SCD5: variants seen among roughly 807,000 people sequenced by gnomAD.
SCD5 encodes stearoyl-CoA desaturase 5.
In SCD5, 20 loss-of-function variants were observed where a neutral mutation model predicts 30.4. That is an observed-to-expected ratio of 0.66 (90% CI 0.46 to 0.96). The LOEUF is 0.96. SCD5 is among the 40% of genes least tolerant of loss of function. The probability of loss-of-function intolerance (pLI) is 0.00; values close to 1 mark genes in which losing one functional copy is unlikely to be tolerated. For synonymous variants in SCD5, 173 were observed against 176.4 expected, an observed-to-expected ratio of 0.98 and a Z score of 0.16; for missense variants, 381 against 443.3, an observed-to-expected ratio of 0.86 and a Z score of 1.26.
chr4:82,726,286 T>C (rs1313446333), intron 1 of SCD5, among the ~76,000 whole-genome samples: 2 of 151,860 alleles, frequency 1.3e-5, no homozygotes, highest in Non-Finnish European at 2.9e-5. Context: ...GCGTGGTGGC[T>C]CGTGCCTGTA....
At chr4:82,698,816 C>T (rs1719752489) in intron 2 of SCD5, among the ~76,000 whole-genome samples, 1 of 152,178 alleles carries the variant, frequency 6.6e-6, no homozygotes, top group South Asian at 2.1e-4. Context: ...TAAAGATGCC[C>T]CATCTTGGGC....
chr4:82,704,857 T>C (rs1311416240), intron 2 of SCD5, among the ~76,000 whole-genome samples: 1 of 152,220 alleles, frequency 6.6e-6, no homozygotes. Flanking sequence ...GGCAGGTTCT[T>C]TAACCTCACT....
At chr4:82,737,523 C>T (rs905518442) in intron 1 of SCD5, among the ~76,000 whole-genome samples, 1 of 152,156 alleles carries the variant, frequency 6.6e-6, no homozygotes, top group Non-Finnish European at 1.5e-5. Flanking sequence ...TCCTGCTGCC[C>T]CATTTTCTGG....
intron 1 of SCD5, among the ~76,000 whole-genome samples, chr4:82,744,678 T>G (rs142388593): frequency 6.3e-4 from 96 of 152,304 alleles, no homozygotes; most frequent in Non-Finnish European, 1.2e-3. Context: ...TTCCAGCAAG[T>G]AAATTTTTAT....
In SCD5 at chr4:82,756,465, C is replaced by T. The variant is rs531580678; in HGVS notation, c.232+41841G>A. Reference sequence around the variant, plus strand: ...TTTAGGCTGGGCAAGGTGGCTCACGCCTGTAATCCCAGCACTTTGGGAGGC... The same window carrying T: ...TTTAGGCTGGGCAAGGTGGCTCACGTCTGTAATCCCAGCACTTTGGGAGGC... On this transcript the variant is annotated intron_variant, in intron 1 of 4. Transcript: ENST00000319540. Among the ~76,000 whole-genome samples, 33 of 152,302 alleles carry T rather than the reference C, an allele frequency of 2.2e-4. No individual in the cohort carries two copies. In the East Asian group the frequency reaches 4.1e-3, roughly 19 times the overall value.
intron 3 of SCD5, among the ~76,000 whole-genome samples, chr4:82,665,061 C>CACACATATAT (rs1728149343): frequency 4.5e-5 from 1 of 22,328 alleles, no homozygotes. Context: ...TACACACACA[C>CACACATATAT]ATATATATAT....
chr4:82,663,434 AC>A (rs1189333807), intron 3 of SCD5, among the ~76,000 whole-genome samples: 2 of 152,004 alleles, frequency 1.3e-5, no homozygotes, highest in African/African-American at 2.4e-5. Context: ...GAGACCCAGG[AC>A]CCCCTCTGCC....
At chr4:82,668,671 C>A (rs923964132) in intron 3 of SCD5, among the ~76,000 whole-genome samples, 14 of 152,222 alleles carry the variant, frequency 9.2e-5, no homozygotes, top group African/African-American at 3.4e-4. Flanking sequence ...GCTCTGCTTA[C>A]AGCATGGCCA....
chr4:82,753,791 C>T (rs1241871964), intron 1 of SCD5, among the ~76,000 whole-genome samples: 1 of 152,146 alleles, frequency 6.6e-6, no homozygotes, highest in African/African-American at 2.4e-5. Flanking sequence ...ACATACCCCC[C>T]TGACAGAAGT....
At chr4:82,670,168 C>G (rs1728278705) in intron 3 of SCD5, among the ~76,000 whole-genome samples, 1 of 152,098 alleles carries the variant, frequency 6.6e-6, no homozygotes, top group South Asian at 2.1e-4. Context: ...TGAAGAGACA[C>G]AGCAAGCATC....
chr4:82,701,185 T>A (rs1462049519), intron 2 of SCD5, among the ~76,000 whole-genome samples: 3 of 152,184 alleles, frequency 2.0e-5, no homozygotes, highest in African/African-American at 7.2e-5. Context: ...TGGGTTTCGA[T>A]TAGTTGTAAA....
At chr4:82,654,954 A>T (rs1727840186) in intron 3 of SCD5, among the ~76,000 whole-genome samples, 1 of 152,274 alleles carries the variant, frequency 6.6e-6, no homozygotes, top group Non-Finnish European at 1.5e-5. Context: ...AAGAAGTCTT[A>T]ACTGAGAATA....
chr4:82,733,080 G>A (rs1269948101), intron 1 of SCD5, among the ~76,000 whole-genome samples: 1 of 152,170 alleles, frequency 6.6e-6, no homozygotes, highest in Non-Finnish European at 1.5e-5. Context: ...CCTATGAGGG[G>A]TTAAGCGCTA....
At chr4:82,708,208 T>C (rs1578031200) in intron 1 of SCD5, among the ~76,000 whole-genome samples, 1 of 152,324 alleles carries the variant, frequency 6.6e-6, no homozygotes, top group East Asian at 1.9e-4. Flanking sequence ...ATGACTTGTA[T>C]ACATTAAATA....
intron 1 of SCD5, among the ~76,000 whole-genome samples, chr4:82,770,158 A>G (rs928946251): frequency 6.6e-6 from 1 of 151,532 alleles, no homozygotes; most frequent in Non-Finnish European, 1.5e-5. Context: ...TACATTAGGT[A>G]TATCTCCTAA....
intron 1 of SCD5, among the ~76,000 whole-genome samples, chr4:82,759,122 G>T (rs949125299): frequency 2.3e-4 from 35 of 152,184 alleles, no homozygotes; most frequent in African/African-American, 8.2e-4. Context: ...CCTGTCTTTT[G>T]CGACTGAGCC....
Position 82,768,678 on chromosome 4 carries a change from G to A in SCD5, c.232+29628C>T, listed in dbSNP as rs373505277. ...AAGCATCAGTGGAGGTATGTGTGGC[G>A]TCTTGCTGAGCATAAAGTAAAGGTG... On this transcript the variant is annotated intron_variant, in intron 1 of 4. Transcript: ENST00000319540. 8.5e-5 allele frequency among the ~76,000 whole-genome samples: 13 copies of A among 152,306 alleles called. No individual in the cohort carries two copies. The East Asian group carries it at 1.3e-3, about 16-fold the overall frequency.
At chr4:82,719,792 C>T (rs1043747000) in intron 1 of SCD5, among the ~76,000 whole-genome samples, 7 of 150,158 alleles carry the variant, frequency 4.7e-5, no homozygotes, top group Non-Finnish European at 7.4e-5. Flanking sequence ...CATGAGCCAC[C>T]GCGCCCGGCC....
chr4:82,665,276 G>T (rs1052837477), intron 3 of SCD5, among the ~76,000 whole-genome samples: 13 of 145,250 alleles, frequency 9.0e-5, no homozygotes, highest in Admixed American at 4.1e-4. Flanking sequence ...AGAGAAACAG[G>T]TTAAAAAAAT....
Sources: gnomAD v4.1 joint callset for allele counts (sites outside exome capture counted in the v4.1 genomes callset) on GRCh38, gnomAD v4.1.1 for gene constraint, MANE v1.5 for transcripts, NCBI Gene and HGNC (gene_info 2026-07-23, HGNC 2026-07-21) for gene names.